Variants in LDB1 observed in about 807,000 individuals in gnomAD.
LDB1 encodes the protein LIM domain-binding protein 1.
LDB1 carries 6 observed loss-of-function variants against 49.7 expected under a neutral mutation model. That is an observed-to-expected ratio of 0.12 (90% CI 0.07 to 0.24). The LOEUF (loss-of-function observed/expected upper bound fraction) is 0.24, where lower values mean the gene tolerates loss of function less well. Among genes scored for constraint, LDB1 ranks in the 10% least tolerant of loss-of-function variants. LDB1 has a pLI of 1.00. For synonymous variants in LDB1, 233 were observed against 202.0 expected (o/e 1.15, Z -1.30); for missense variants, 341 against 561.7 (o/e 0.61, Z 3.97).
At chr10:102,121,049 C>A (rs780901506), upstream of LDB1, among the ~76,000 whole-genome samples, 16 of 152,160 alleles carry the variant, frequency 1.1e-4, no homozygotes, top group Non-Finnish European at 2.1e-4. Context: ...TCCTCCTTTG[C>A]CTGCGAAACC....
chr10:102,105,170 T>C (rs1205878433), downstream of LDB1, among the ~76,000 whole-genome samples: 13 of 152,152 alleles, frequency 8.5e-5, no homozygotes, highest in Non-Finnish European at 1.5e-4. Context: ...AGACCCACTG[T>C]AGATGTTACC....
At chr10:102,106,167 C>T (rs1168007210), downstream of LDB1, among the ~76,000 whole-genome samples, 1 of 151,988 alleles carries the variant, frequency 6.6e-6, no homozygotes, top group Non-Finnish European at 1.5e-5. Context: ...AGGAACCTGC[C>T]CCAGGAGGGC....
chr10:102,120,179 C>A lies in LDB1; in HGVS notation c.-69G>T, dbSNP rs1037338021. The stretch of plus-strand genomic sequence containing the variant: ...CCGCCCCTCGCGGGGACAGGCCGGG[C>A]ATGAGCCGCCGCCGCCGCCCGCGGC... On this transcript the variant is annotated 5_prime_UTR_variant, in exon 1 of 11. The change abolishes an upstream ATG in the 5' untranslated region. Transcript: ENST00000673968. 15 of 1,162,010 alleles carry A rather than the reference C, an allele frequency of 1.3e-5. No individual in the cohort carries two copies. The Admixed American group carries it at 1.9e-4, about 15-fold the overall frequency. The allele number at this position is 1,162,010 out of a possible 1,614,324, so 72.0% of individuals were successfully genotyped here. A position where few individuals can be genotyped will look rare whatever the true frequency, so the allele number is the denominator to read the frequency against.
upstream of LDB1, among the ~76,000 whole-genome samples, chr10:102,120,825 G>C (rs533681118): frequency 6.6e-6 from 1 of 152,100 alleles, no homozygotes; most frequent in Non-Finnish European, 1.5e-5. Context: ...AGGCGGAGCC[G>C]GGGTGGGCAG....
At chr10:102,111,631 C>T (rs1440709300) in intron 1 of LDB1, 95 bp from the exon 2 acceptor site, 4 of 686,636 alleles carry the variant, frequency 5.8e-6, no homozygotes, top group African/African-American at 5.4e-5. Context: ...TGATTGAGCA[C>T]AGGAGGTCGA....
intron 1 of LDB1, among the ~76,000 whole-genome samples, chr10:102,115,561 CA>C (rs543835329): frequency 2.0e-3 from 308 of 152,206 alleles, no homozygotes; most frequent in African/African-American, 5.4e-3. Context: ...AGCTAAATTC[CA>C]AGCCTTGACT....
At chr10:102,104,890 G>A (rs1267023261), downstream of LDB1, among the ~76,000 whole-genome samples, 8 of 152,138 alleles carry the variant, frequency 5.3e-5, no homozygotes, top group Non-Finnish European at 8.8e-5. Flanking sequence ...ACACTCAGCA[G>A]TCACATCTTC....
chr10:102,111,138 G>A lies in LDB1; in HGVS notation c.180C>T (p.His60=). The A allele has an allele frequency of 6.2e-7, 1 of 1,614,098 alleles. No individual in the cohort carries two copies. The highest frequency in any genetic ancestry group is 8.5e-7 in the Non-Finnish European group (1 of 1,179,950). ...PTYLEPGIGR[H]TPYGNQTDYR... ...AGTCAGTTTGGTTGCCATATGGTGTGTGCCTCCTGGAGGAAGTGAAGGAGA... is the reference window on the plus strand; with the variant it reads ...AGTCAGTTTGGTTGCCATATGGTGTATGCCTCCTGGAGGAAGTGAAGGAGA... Residue 60 remains histidine, a synonymous_variant, in exon 4 of 11, where the codon CAC becomes CAT. Coordinates refer to ENST00000673968, the MANE Select transcript of LDB1 (RefSeq NM_001113407.3).
At chr10:102,103,962 G>A (rs2068136349), downstream of LDB1, among the ~76,000 whole-genome samples, 1 of 151,870 alleles carries the variant, frequency 6.6e-6, no homozygotes, top group South Asian at 2.1e-4. Flanking sequence ...CCAGCTACTT[G>A]GGACGCATGA....
chr10:102,109,314 A>C lies in LDB1; in HGVS notation c.856+70T>G, dbSNP rs2068215408. 4 of 1,607,716 alleles carry C rather than the reference A, an allele frequency of 2.5e-6. No individual in the cohort carries two copies. Among genetic ancestry groups the C allele is most frequent in the African/African-American group, 1.3e-5 (1 of 74,846 alleles). On this transcript the variant is annotated intron_variant, in intron 9 of 10. Transcript: ENST00000673968. This position sits in a 1 kb window ranked among gnomAD's most constrained non-coding sequence, Gnocchi z 5.8. ...ACAAGGAAGGGGTGGGGAAAACTTC[A>C]AAAGGAAATAAAGATACAGCTTTGG...
upstream of LDB1, among the ~76,000 whole-genome samples, chr10:102,121,345 G>A (rs2068418890): frequency 6.6e-6 from 1 of 152,152 alleles, no homozygotes; most frequent in Non-Finnish European, 1.5e-5. Context: ...GTCCTTTGAG[G>A]GCTTCGGAGA....
Position 102,120,322 on chromosome 10 carries a change from A to T in LDB1, c.-212T>A, listed in dbSNP as rs2068401392. 4.1e-6 allele frequency: 4 copies of T among 984,112 alleles called. No individual in the cohort carries two copies. Among genetic ancestry groups the T allele is most frequent in the Non-Finnish European group, 4.8e-6 (4 of 829,774 alleles). 61.0% of individuals were successfully genotyped at this position (984,112 alleles called of 1,614,324 possible). A position where few individuals can be genotyped will look rare whatever the true frequency, so the allele number is the denominator to read the frequency against. ...AGGAAGGAAGCCAGGCAGGAAGGCG[A>T]GCGGCCTCTGCGTGTGTGCGCGCGG... On this transcript the variant is annotated 5_prime_UTR_variant, in exon 1 of 11. Coordinates refer to ENST00000673968, the MANE Select transcript of LDB1 (RefSeq NM_001113407.3).
At position 102,110,643 on chromosome 10, in the gene LDB1, C is replaced by T. The variant is rs759483772; in HGVS notation, c.411G>A (p.Thr137=). The stretch of plus-strand genomic sequence containing the variant: ...GGTGCTTAAGAACATAGTACAGCTC[C>T]GTAGCACCCCCCTCAAAGATGCTGC... The part of the protein sequence containing the change: ...YFRSIFEGGA[T]ELYYVLKHPK... Residue 137 remains threonine (T), a synonymous_variant, in exon 6 of 11, where the codon ACG becomes ACA. Transcript: ENST00000673968. 40 of 1,613,948 alleles carry T rather than the reference C, an allele frequency of 2.5e-5. No homozygotes were observed. Among genetic ancestry groups the T allele is most frequent in the South Asian group, 1.8e-4 (16 of 91,074 alleles).
chr10:102,114,820 G>A (rs1489114855), intron 1 of LDB1: 2 of 180,550 alleles, frequency 1.1e-5, no homozygotes, highest in Non-Finnish European at 7.1e-6. Flanking sequence ...CAGCCCGCCC[G>A]CCCTCCCCAG....
intron 4 of LDB1, 25 bp from the exon 5 acceptor site, chr10:102,110,996 C>T: frequency 6.2e-7 from 1 of 1,612,154 alleles, no homozygotes; most frequent in Non-Finnish European, 8.5e-7. Flanking sequence ...AACGGGTGTT[C>T]ATGTGTCATA....
At position 102,110,056 on chromosome 10, in the gene LDB1, T is replaced by G; in HGVS notation, c.526-13A>C. On this transcript the variant is annotated splice_polypyrimidine_tract_variant and intron_variant, in intron 6 of 10. Transcript: ENST00000673968. ...CCTCCACACACACCTGGGGACAGGC[T>G]TGTCAGAACCCTGCCCCCTCCCCAC... 6.2e-7 allele frequency: 1 copy of G among 1,609,666 alleles called. No homozygotes were observed. Among genetic ancestry groups the G allele is most frequent in the Non-Finnish European group, 8.5e-7 (1 of 1,177,102 alleles).
Position 102,120,333 on chromosome 10 carries a change from C to T in LDB1, c.-223G>A. On this transcript the variant is annotated 5_prime_UTR_variant, in exon 1 of 11. Coordinates refer to ENST00000673968, the MANE Select transcript of LDB1 (RefSeq NM_001113407.3). ...CAGGCAGGAAGGCGAGCGGCCTCTG[C>T]GTGTGTGCGCGCGGGTGTGAGTCCG... The T allele has an allele frequency of 1.0e-6, 1 of 984,362 alleles. No homozygotes were observed. The highest frequency in any genetic ancestry group is 1.2e-6 in the Non-Finnish European group (1 of 829,610). 61.0% of individuals were successfully genotyped at this position (984,362 alleles called of 1,614,324 possible). A position where few individuals can be genotyped will look rare whatever the true frequency, so the allele number is the denominator to read the frequency against.
chr10:102,114,567 G>C, intron 1 of LDB1: 1 of 985,708 alleles, frequency 1.0e-6, no homozygotes, highest in Non-Finnish European at 1.2e-6. Flanking sequence ...GCCGCACAAA[G>C]ACTCGCACGC....
chr10:102,110,786 C>G, intron 5 of LDB1, 83 bp downstream of exon 5: 1 of 1,579,748 alleles, frequency 6.3e-7, no homozygotes. Context: ...TAGATATCCC[C>G]TGGCACTCCC....
Sources: allele counts gnomAD v4.1 joint callset (sites outside exome capture counted in the v4.1 genomes callset), GRCh38; gene constraint gnomAD v4.1.1; non-coding constraint Gnocchi (gnomAD v3.1); transcripts MANE v1.5; gene names NCBI Gene and HGNC (gene_info 2026-07-23, HGNC 2026-07-21).